LMO7: variants seen among roughly 807,000 people sequenced by gnomAD.
The protein encoded by LMO7 is LIM domain 7, also known as LIM domain only protein 7.
In LMO7, 120 loss-of-function variants were observed where a neutral mutation model predicts 206.5. The ratio of observed to expected loss-of-function variants is 0.58; its 90% CI spans 0.50 to 0.68. The LOEUF is 0.68. LMO7 is among the 30% of genes least tolerant of loss of function. The pLI is 0.00. For synonymous variants in LMO7, 706 were observed against 681.5 expected (o/e 1.04, Z -0.56); for missense variants, 1,959 against 1,957.9 (o/e 1.00, Z -0.01).
intron 2 of LMO7, among the ~76,000 whole-genome samples, chr13:75,725,506 C>A (rs556892059): frequency 6.6e-6 from 1 of 152,038 alleles, no homozygotes; most frequent in Non-Finnish European, 1.5e-5. Flanking sequence ...AAGAATGCCA[C>A]CAGTAACAGA....
intron 4 of LMO7, among the ~76,000 whole-genome samples, chr13:75,765,104 AG>A (rs1313416404): frequency 6.6e-6 from 1 of 152,192 alleles, no homozygotes; most frequent in Non-Finnish European, 1.5e-5. Context: ...TGTTCGCTAA[AG>A]CTTCACAAGA....
At chr13:75,761,755 C>T (rs2048251659) in intron 4 of LMO7, among the ~76,000 whole-genome samples, 1 of 151,960 alleles carries the variant, frequency 6.6e-6, no homozygotes, top group Non-Finnish European at 1.5e-5. Flanking sequence ...AATCAATAAT[C>T]ATGTTACTAG....
At chr13:75,649,080 T>C (rs1251049961) in intron 1 of LMO7, among the ~76,000 whole-genome samples, 1 of 152,172 alleles carries the variant, frequency 6.6e-6, no homozygotes. Flanking sequence ...CAAGGATTCG[T>C]TGAATTGTTC....
At chr13:75,698,803 A>T (rs1262100629) in intron 1 of LMO7, among the ~76,000 whole-genome samples, 3 of 152,240 alleles carry the variant, frequency 2.0e-5, no homozygotes, top group East Asian at 1.9e-4. Flanking sequence ...TAAATTTTTT[A>T]AAAAAACATT....
intron 2 of LMO7, 110 bp downstream of exon 2, chr13:75,713,362 C>A (rs1244087507): frequency 1.5e-6 from 1 of 661,644 alleles, no homozygotes; most frequent in Non-Finnish European, 2.5e-6. Flanking sequence ...GATATGTGTT[C>A]TTGGTCACAG....
At position 75,737,094 on chromosome 13, in the gene LMO7, A is replaced by G. The variant is rs1042435204; in HGVS notation, c.210+9996A>G. Among the ~76,000 whole-genome samples, 4 of 152,276 alleles carry G rather than the reference A, an allele frequency of 2.6e-5. No homozygotes were observed. In the South Asian group the frequency reaches 6.2e-4, roughly 24 times the overall value. ...TGGGAATAGAGTTGTTGGAGATGATATAACTAGTTATAATGAGCTCATACT... is the reference window on the plus strand; with the variant it reads ...TGGGAATAGAGTTGTTGGAGATGATGTAACTAGTTATAATGAGCTCATACT... On this transcript the variant is annotated intron_variant, in intron 3 of 30. Transcript: ENST00000377534.
At position 75,845,378 on chromosome 13, in the gene LMO7, T is replaced by G. The variant is rs1447792300; in HGVS notation, c.4149T>G (p.Asn1383Lys). The G allele has an allele frequency of 5.7e-6, 9 of 1,577,386 alleles. No individual in the cohort carries two copies. Among genetic ancestry groups the G allele is most frequent in the Non-Finnish European group, 7.8e-6 (9 of 1,149,830 alleles). The change falls in exon 26 of 31, where the codon AAT (asparagine) becomes AAG (lysine). Residue 1383 changes from asparagine to lysine, a missense_variant and splice_region_variant. Physicochemically the swap from Asn to Lys is moderately conservative, Grantham distance 94. Transcript: ENST00000377534. ...TGGATGATTACTCCACAAATAAAAA[T>G]GGTAAATGCGATATTTTCCCCCAAA... ...TELDDYSTNK[N>K]GNNKYLDQIG...
intron 1 of LMO7, among the ~76,000 whole-genome samples, chr13:75,647,952 T>TTTTTTC (rs1555286944): frequency 1.9e-4 from 1 of 5,320 alleles, no homozygotes; most frequent in Non-Finnish European, 5.8e-4. Flanking sequence ...CTTTTCTTTC[T>TTTTTTC]TTTTTTTTTT....
At chr13:75,816,827 T>C (rs961224187) in intron 11 of LMO7, 2 of 170,870 alleles carry the variant, frequency 1.2e-5, no homozygotes, top group Admixed American at 1.3e-4. Context: ...GACTATTTTT[T>C]CCTAAAGTAA....
chr13:75,634,697 T>C (rs1022296278), upstream of LMO7, among the ~76,000 whole-genome samples: 2 of 145,048 alleles, frequency 1.4e-5, no homozygotes, highest in Non-Finnish European at 3.0e-5. Context: ...GAGCCGAGAT[T>C]GCACCACTGC....
chr13:75,637,273 C>T (rs1021232382), intron 1 of LMO7, among the ~76,000 whole-genome samples: 2 of 152,174 alleles, frequency 1.3e-5, no homozygotes, highest in Non-Finnish European at 2.9e-5. Context: ...GGGCCGCATC[C>T]AAGCCCAGGG....
chr13:75,692,376 C>T (rs1236726760), intron 1 of LMO7, among the ~76,000 whole-genome samples: 4 of 151,584 alleles, frequency 2.6e-5, no homozygotes, highest in Non-Finnish European at 5.9e-5. Flanking sequence ...GCTACGATTC[C>T]TTAAATATGT....
At chr13:75,768,361 G>C (rs756859954) in intron 4 of LMO7, among the ~76,000 whole-genome samples, 22 of 151,948 alleles carry the variant, frequency 1.4e-4, no homozygotes, top group Non-Finnish European at 2.9e-4. Context: ...TAATCAAATT[G>C]TTGATAAAAT....
intron 2 of LMO7, among the ~76,000 whole-genome samples, chr13:75,723,247 C>T (rs1028622177): frequency 1.3e-5 from 2 of 151,722 alleles, no homozygotes; most frequent in Non-Finnish European, 2.9e-5. Context: ...AAATATAATG[C>T]CTTTATTATA....
At chr13:75,794,538 T>C (rs1324970482) in intron 4 of LMO7, among the ~76,000 whole-genome samples, 1 of 152,214 alleles carries the variant, frequency 6.6e-6, no homozygotes, top group Non-Finnish European at 1.5e-5. Flanking sequence ...GATGTGTGTA[T>C]ATTTTATCTT....
chr13:75,839,221 A>G (rs748480689), intron 20 of LMO7, among the ~76,000 whole-genome samples: 1 of 152,178 alleles, frequency 6.6e-6, no homozygotes, highest in Non-Finnish European at 1.5e-5. Flanking sequence ...AAACAGTATG[A>G]TACTCCTTCC....
chr13:75,776,126 C>T (rs868291966), intron 4 of LMO7, among the ~76,000 whole-genome samples: 40 of 73,836 alleles, frequency 5.4e-4, no homozygotes, highest in African/African-American at 1.0e-3. Flanking sequence ...TACATACATA[C>T]ATATATATAT....
intron 6 of LMO7, among the ~76,000 whole-genome samples, chr13:75,799,298 A>G (rs2054437244): frequency 6.6e-6 from 1 of 152,242 alleles, no homozygotes; most frequent in Non-Finnish European, 1.5e-5. Flanking sequence ...TTTATAATTA[A>G]AAGTTGAAAG....
exon 1 of LMO7, chr13:75,620,624 T>G (rs2033266904): frequency 1.3e-5 from 2 of 152,220 alleles, no homozygotes. Flanking sequence ...AGGGTCACAC[T>G]TATAGTGATT....
Sources: allele counts gnomAD v4.1 joint callset (sites outside exome capture counted in the v4.1 genomes callset), GRCh38; gene constraint gnomAD v4.1.1; transcripts MANE v1.5; gene names NCBI Gene and HGNC (gene_info 2026-07-23, HGNC 2026-07-21).